OCM: variants seen among roughly 807,000 people sequenced by gnomAD.
The protein encoded by OCM is oncomodulin.
In OCM, 18 loss-of-function variants were observed where a neutral mutation model predicts 14.1. The ratio of observed to expected loss-of-function variants is 1.28; its 90% confidence interval spans 0.88 to 1.89. The LOEUF is 1.89. Among genes scored for constraint, OCM ranks in the 40% most tolerant of loss-of-function variants. The pLI is 0.00. For missense variants in OCM, 140 were observed against 137.6 expected, an observed-to-expected ratio of 1.02 and a Z score of -0.09; for synonymous variants, 48 against 51.0, an observed-to-expected ratio of 0.94 and a Z score of 0.25.
chr7:5,864,306 C>G, the OCM span, among the ~76,000 whole-genome samples: 1 of 150,030 alleles, frequency 6.7e-6, no homozygotes, highest in Non-Finnish European at 1.5e-5. Context: ...GTGATCGCAC[C>G]ACTGCACTCC....
At chr7:5,860,492 T>C in the OCM span, among the ~76,000 whole-genome samples, 3 of 123,496 alleles carry the variant, frequency 2.4e-5, no homozygotes, top group African/African-American at 9.7e-5. Flanking sequence ...TATACGTGTA[T>C]ATATATATTA....
At chr7:5,874,272 C>T in the OCM span, among the ~76,000 whole-genome samples, 3 of 147,966 alleles carry the variant, frequency 2.0e-5, no homozygotes, top group African/African-American at 5.0e-5. Context: ...TCCACATCTT[C>T]CTCCTATTCT....
chr7:5,861,934 G>A, the OCM span, among the ~76,000 whole-genome samples: 2 of 151,892 alleles, frequency 1.3e-5, no homozygotes, highest in South Asian at 4.2e-4. Context: ...TGTTACCCAG[G>A]CTAGAGTACA....
the OCM span, among the ~76,000 whole-genome samples, chr7:5,870,055 A>G: frequency 6.6e-6 from 1 of 152,036 alleles, no homozygotes; most frequent in Non-Finnish European, 1.5e-5. Flanking sequence ...GTTATTATAT[A>G]TTTTGGGCAG....
chr7:5,875,836 C>A (rs903791824), upstream of OCM, among the ~76,000 whole-genome samples: 1 of 145,908 alleles, frequency 6.9e-6, no homozygotes, highest in Non-Finnish European at 1.5e-5. Context: ...TTTCAGAAAC[C>A]TTTTTTTTTT....
the OCM span, among the ~76,000 whole-genome samples, chr7:5,870,126 TA>T: frequency 0.081 from 12,150 of 150,154 alleles, 805 homozygotes; most frequent in East Asian, 0.42. Flanking sequence ...TATTTTATAA[TA>T]AATAATAAAA....
chr7:5,869,363 C>T, the OCM span, among the ~76,000 whole-genome samples: 10 of 151,992 alleles, frequency 6.6e-5, no homozygotes, highest in East Asian at 1.5e-3. Context: ...TTTGGGAGGC[C>T]GAGGCAGGTG....
At chr7:5,870,099 A>T in the OCM span, among the ~76,000 whole-genome samples, 50 of 148,042 alleles carry the variant, frequency 3.4e-4, no homozygotes, top group African/African-American at 1.3e-3. Flanking sequence ...ATCATTTTTT[A>T]TTTTATTTTA....
chr7:5,883,257 A>C (rs2128607035), intron 2 of OCM, among the ~76,000 whole-genome samples: 1 of 152,350 alleles, frequency 6.6e-6, no homozygotes, highest in Admixed American at 6.5e-5. Context: ...AGACTGAAGC[A>C]CAAGAATTGC....
At chr7:5,884,109 T>G (rs1562531212) in intron 3 of OCM, 110 bp downstream of exon 3, 1 of 1,102,358 alleles carries the variant, frequency 9.1e-7, no homozygotes, top group Non-Finnish European at 1.3e-6. Flanking sequence ...TTTCTTAAAC[T>G]TACCGAGCCT....
At chr7:5,885,544 A>G (rs561307123) in intron 3 of OCM, among the ~76,000 whole-genome samples, 103 of 152,060 alleles carry the variant, frequency 6.8e-4, no homozygotes, top group African/African-American at 2.3e-3. Flanking sequence ...ATTCAGAGAA[A>G]TGGAACCCTG....
chr7:5,880,134 T>A (rs1781178960), upstream of OCM, among the ~76,000 whole-genome samples: 2 of 152,198 alleles, frequency 1.3e-5, no homozygotes. Flanking sequence ...GACAGGTGCA[T>A]GCCTTCTTCC....
chr7:5,883,531 A>G (rs1291759906), intron 2 of OCM, among the ~76,000 whole-genome samples: 1 of 151,938 alleles, frequency 6.6e-6, no homozygotes, highest in Non-Finnish European at 1.5e-5. Context: ...AAAAAAAAAT[A>G]CAAATGTTAG....
At chr7:5,869,315 T>C in the OCM span, among the ~76,000 whole-genome samples, 2 of 151,468 alleles carry the variant, frequency 1.3e-5, no homozygotes, top group Non-Finnish European at 2.9e-5. Flanking sequence ...CCTGCAGCTC[T>C]GGCTGGGCAC....
chr7:5,878,040 G>A (rs1045955889), upstream of OCM, among the ~76,000 whole-genome samples: 2 of 148,670 alleles, frequency 1.3e-5, no homozygotes, highest in African/African-American at 5.0e-5. Context: ...ACGTGATCTC[G>A]GCTCACTGCA....
the OCM span, among the ~76,000 whole-genome samples, chr7:5,866,122 A>G: frequency 3.3e-5 from 5 of 151,582 alleles, 1 homozygote; most frequent in African/African-American, 1.2e-4. Context: ...GGAGCTGAAC[A>G]CCAGCCTGGG....
At chr7:5,864,624 T>G in the OCM span, among the ~76,000 whole-genome samples, 2 of 152,110 alleles carry the variant, frequency 1.3e-5, no homozygotes, top group Admixed American at 1.3e-4. Context: ...ACCCAGGCAC[T>G]TAATAATTAA....
upstream of OCM, chr7:5,879,944 G>A (rs1307688748): frequency 1.3e-5 from 2 of 152,078 alleles, no homozygotes; most frequent in African/African-American, 2.4e-5. Context: ...TTCTTCCTGG[G>A]GGGAAACCGA....
At chr7:5,882,419 T>C (rs1781236191) in intron 1 of OCM, 74 bp from the exon 2 acceptor site, 2 of 1,520,706 alleles carry the variant, frequency 1.3e-6, no homozygotes, top group Non-Finnish European at 1.8e-6. Flanking sequence ...TAATTATCTG[T>C]GTTTTTAGTA....
Sources: gnomAD v4.1 joint callset for allele counts (sites outside exome capture counted in the v4.1 genomes callset) on GRCh38, gnomAD v4.1.1 for gene constraint, MANE v1.5 for transcripts, NCBI Gene and HGNC (gene_info 2026-07-23, HGNC 2026-07-21) for gene names.